Variants in WWOX observed in about 807,000 individuals in gnomAD.
WWOX encodes the protein WW domain-containing oxidoreductase.
In WWOX, 69 loss-of-function variants were observed where a neutral mutation model predicts 46.2. The observed-to-expected ratio is 1.49, with a 90% CI of 1.23 to 1.82. The LOEUF (loss-of-function observed/expected upper bound fraction) is 1.82, where lower values mean the gene tolerates loss of function less well. WWOX is among the 40% of genes most tolerant of loss of function. The probability of loss-of-function intolerance (pLI) is 0.00; values close to 1 mark genes in which losing one functional copy is unlikely to be tolerated. For missense variants in WWOX, 919 were observed against 542.6 expected (o/e 1.69, Z -6.89); for synonymous variants, 359 against 202.6 (o/e 1.77, Z -6.56).
chr16:78,994,907 C>A (rs187568208), intron 8 of WWOX, among the ~76,000 whole-genome samples: 1 of 149,636 alleles, frequency 6.7e-6, no homozygotes, highest in Non-Finnish European at 1.5e-5. Flanking sequence ...CCCTTCTGGA[C>A]ACTGGAAGGG....
chr16:78,736,921 C>A (rs924944372), intron 8 of WWOX, among the ~76,000 whole-genome samples: 1 of 151,918 alleles, frequency 6.6e-6, no homozygotes, highest in Non-Finnish European at 1.5e-5. Flanking sequence ...CAATGGTTTT[C>A]ATATAGCTAT....
chr16:78,410,470 T>A (rs1031127404), intron 6 of WWOX, among the ~76,000 whole-genome samples: 1 of 152,244 alleles, frequency 6.6e-6, no homozygotes, highest in African/African-American at 2.4e-5. Context: ...AGGGACAGTT[T>A]GGCTGGTTGT....
At chr16:78,578,208 C>T (rs1232272107) in intron 8 of WWOX, among the ~76,000 whole-genome samples, 4 of 123,612 alleles carry the variant, frequency 3.2e-5, no homozygotes, top group South Asian at 5.4e-4. Context: ...TAGTCTCTTG[C>T]CTTTCAATTT....
At chr16:78,347,581 A>G (rs145367505) in intron 5 of WWOX, among the ~76,000 whole-genome samples, 1,549 of 120,398 alleles carry the variant, frequency 0.013, 358 homozygotes, top group African/African-American at 0.041. Context: ...CCGAAGCCCA[A>G]GGAGATACTT....
chr16:78,507,036 C>A (rs988041943), intron 8 of WWOX, among the ~76,000 whole-genome samples: 5 of 152,138 alleles, frequency 3.3e-5, no homozygotes, highest in African/African-American at 1.2e-4. Context: ...CTAACCTGTG[C>A]TGTTGTCATA....
At chr16:78,980,390 T>A (rs1218889810) in intron 8 of WWOX, among the ~76,000 whole-genome samples, 1 of 152,178 alleles carries the variant, frequency 6.6e-6, no homozygotes, top group Non-Finnish European at 1.5e-5. Context: ...CTTGGAATGG[T>A]TTTAGTTCTC....
At chr16:79,134,440 AG>A (rs2049943337) in intron 8 of WWOX, among the ~76,000 whole-genome samples, 2 of 152,158 alleles carry the variant, frequency 1.3e-5, no homozygotes, top group African/African-American at 4.8e-5. Flanking sequence ...GAAGTTATAC[AG>A]GGTCCTGTTG....
At chr16:78,433,585 T>G (rs1370077898) in intron 8 of WWOX, among the ~76,000 whole-genome samples, 5 of 152,128 alleles carry the variant, frequency 3.3e-5, no homozygotes, top group Admixed American at 6.6e-5. Flanking sequence ...CAAACACATT[T>G]GCCTTTTAGC....
At chr16:78,939,668 G>A (rs2045812436) in intron 8 of WWOX, among the ~76,000 whole-genome samples, 1 of 152,198 alleles carries the variant, frequency 6.6e-6, no homozygotes, top group African/African-American at 2.4e-5. Context: ...TTATCAAAAG[G>A]AAGTTCCCTG....
At chr16:78,898,876 TG>T (rs1203825530) in intron 8 of WWOX, 1 of 152,160 alleles carries the variant, frequency 6.6e-6, no homozygotes, top group Non-Finnish European at 1.5e-5. Flanking sequence ...TTTATGCTAT[TG>T]TAAATGGCAT....
intron 8 of WWOX, among the ~76,000 whole-genome samples, chr16:79,037,447 C>T (rs369827411): frequency 6.6e-6 from 1 of 152,034 alleles, no homozygotes; most frequent in African/African-American, 2.4e-5. Flanking sequence ...ACTGGGGGTT[C>T]GTTACATCAA....
chr16:78,197,702 T>C (rs2036098835), intron 5 of WWOX, among the ~76,000 whole-genome samples: 1 of 152,194 alleles, frequency 6.6e-6, no homozygotes, highest in Non-Finnish European at 1.5e-5. Flanking sequence ...CATTATATGA[T>C]TTCATCCTTT....
intron 8 of WWOX, chr16:78,503,605 C>G (rs890832711): frequency 7.9e-5 from 12 of 152,130 alleles, no homozygotes; most frequent in African/African-American, 2.9e-4. Flanking sequence ...AAGAACATTT[C>G]CACACCATTA....
At chr16:78,550,037 A>G (rs1004086923) in intron 8 of WWOX, among the ~76,000 whole-genome samples, 2 of 152,232 alleles carry the variant, frequency 1.3e-5, no homozygotes, top group African/African-American at 4.8e-5. Context: ...ACATTCAATA[A>G]ATGTTCATGG....
rs116756491 is a variant in WWOX at position 78,323,502 on chromosome 16, C to T, written c.517-63358C>T. 1.6e-3 allele frequency among the ~76,000 whole-genome samples: 242 copies of T among 152,088 alleles called. 2 individuals carry two copies. Among genetic ancestry groups the T allele is most frequent in the African/African-American group, 5.6e-3 (232 of 41,508 alleles). On this transcript the variant is annotated intron_variant, in intron 5 of 8. Transcript: ENST00000566780. ...ACCCAGCAGTTTCTGCTTTTTCTAC[C>T]CTCCTCTTTGAGCTCTATTTAAACT...
At chr16:78,871,931 C>A (rs934173060) in intron 8 of WWOX, among the ~76,000 whole-genome samples, 15 of 152,154 alleles carry the variant, frequency 9.9e-5, no homozygotes, top group Non-Finnish European at 1.5e-4. Context: ...GCCCCTCAAC[C>A]TGTTTTCTTC....
At chr16:78,556,430 A>G (rs2044298567) in intron 8 of WWOX, among the ~76,000 whole-genome samples, 1 of 152,152 alleles carries the variant, frequency 6.6e-6, no homozygotes, top group South Asian at 2.1e-4. Flanking sequence ...AGCACGGGGA[A>G]CGGTCAGGGA....
chr16:78,780,317 C>T (rs1444281137), intron 8 of WWOX: 1 of 152,190 alleles, frequency 6.6e-6, no homozygotes, highest in East Asian at 1.9e-4. Context: ...TACATTCACT[C>T]ACTCATGAAT....
chr16:78,994,635 C>T (rs994775773), intron 8 of WWOX, among the ~76,000 whole-genome samples: 1 of 152,152 alleles, frequency 6.6e-6, no homozygotes. Context: ...TAAAAGAATT[C>T]TCTATGAAAT....
Sources: allele counts gnomAD v4.1 joint callset (sites outside exome capture counted in the v4.1 genomes callset), GRCh38; gene constraint gnomAD v4.1.1; transcripts MANE v1.5; gene names NCBI Gene and HGNC (gene_info 2026-07-23, HGNC 2026-07-21).